Variants in CDK15 observed in about 807,000 individuals in gnomAD.
CDK15 encodes cyclin dependent kinase 15.
Under a neutral mutation model 60.3 loss-of-function variants are expected in CDK15, and 62 were observed. That is an observed-to-expected ratio of 1.03 (90% confidence interval 0.84 to 1.27). The LOEUF (loss-of-function observed/expected upper bound fraction) is 1.27, where lower values mean the gene tolerates loss of function less well. Ranked by LOEUF, CDK15 falls within the 50% of genes most tolerant of loss-of-function variation. The probability of loss-of-function intolerance (pLI) is 0.00; values close to 1 mark genes in which losing one functional copy is unlikely to be tolerated. For synonymous variants in CDK15, 194 were observed against 195.7 expected (o/e 0.99, Z 0.07); for missense variants, 541 against 527.8 (o/e 1.03, Z -0.25).
At chr2:201,865,738 A>C (rs1410649848) in intron 10 of CDK15, among the ~76,000 whole-genome samples, 1 of 151,884 alleles carries the variant, frequency 6.6e-6, no homozygotes, top group Non-Finnish European at 1.5e-5. Flanking sequence ...AAAAATACAA[A>C]AATTAGCCAG....
At chr2:201,888,883 A>G (rs1394681508) in intron 12 of CDK15, 3 of 1,039,240 alleles carry the variant, frequency 2.9e-6, no homozygotes. Context: ...TTTGAGAATA[A>G]TTGGTAAAGT....
chr2:201,859,647 C>A (rs1698302152), intron 10 of CDK15, among the ~76,000 whole-genome samples: 1 of 152,166 alleles, frequency 6.6e-6, no homozygotes, highest in Non-Finnish European at 1.5e-5. Flanking sequence ...GTCGAGAGTT[C>A]TCTCAATTTA....
chr2:201,838,677 G>A (rs930080831), intron 8 of CDK15, among the ~76,000 whole-genome samples: 3 of 152,058 alleles, frequency 2.0e-5, no homozygotes, highest in Non-Finnish European at 4.4e-5. Flanking sequence ...CAACTGCTGG[G>A]ATTACAGGTA....
At chr2:201,806,908 C>A in intron 1 of CDK15, 121 bp downstream of exon 1, 1 of 1,148,092 alleles carries the variant, frequency 8.7e-7, no homozygotes. Flanking sequence ...AATGAAAATT[C>A]TATTAAAGTC....
intron 6 of CDK15, among the ~76,000 whole-genome samples, chr2:201,829,245 C>G (rs1559121846): frequency 6.6e-6 from 1 of 152,110 alleles, no homozygotes; most frequent in South Asian, 2.1e-4. Flanking sequence ...TCTTCTACCT[C>G]TCTCCCCCTA....
rs767930884 is a variant in CDK15 at position 201,812,556 on chromosome 2, C to T, written c.442C>T (p.Arg148Ter). ...AEEGVPFTAIREASLLKGLKH... is the reference protein window; with the variant it reads ...AEEGVPFTAI ...GGAAGGAGTCCCATTTACAGCTATC[C>T]GAGAAGGTAAGAACAGCAGAAATGG... The change falls in exon 4 of 14, where the codon CGA becomes TGA. Residue 148 changes from arginine (R) to a stop codon, truncating the protein, a stop_gained. Coordinates refer to ENST00000652192, the MANE Select transcript of CDK15 (RefSeq NM_001366386.2). LOFTEE classifies it high-confidence loss of function. 2.5e-5 allele frequency: 40 copies of T among 1,611,206 alleles called. No homozygotes were observed. The highest frequency in any genetic ancestry group is 3.1e-5 in the Non-Finnish European group (36 of 1,177,922).
At chr2:201,855,067 A>G in intron 10 of CDK15, 130 bp downstream of exon 10, 1 of 742,148 alleles carries the variant, frequency 1.3e-6, no homozygotes, top group Non-Finnish European at 2.3e-6. Context: ...TTCTACATTC[A>G]TATATTCCCT....
At chr2:201,836,384 A>G (rs567780001) in intron 8 of CDK15, among the ~76,000 whole-genome samples, 1 of 151,362 alleles carries the variant, frequency 6.6e-6, no homozygotes, top group East Asian at 1.9e-4. Context: ...CAATTATTCT[A>G]TAACCTTTTA....
chr2:201,844,454 A>G (rs561389939), intron 8 of CDK15, among the ~76,000 whole-genome samples: 4 of 152,156 alleles, frequency 2.6e-5, no homozygotes, highest in Non-Finnish European at 5.9e-5. Context: ...ATATTGTTTC[A>G]TTTACACCCT....
chr2:201,884,527 TG>T (rs1699390373), intron 12 of CDK15, among the ~76,000 whole-genome samples: 1 of 152,226 alleles, frequency 6.6e-6, no homozygotes. Context: ...TGTTTTGTTT[TG>T]GTTCAATAAA....
In CDK15 at chr2:201,880,131, A is replaced by G. The variant is rs767293718; in HGVS notation, c.1162A>G (p.Ser388Gly). ...GGAAGCACTTGTTCATGATTATTTC[A>G]GCGCCCTGCCATCTCAGCTGTACCA... ...AQEALVHDYF[S>G]ALPSQLYQLP... Residue 388 changes from serine (S) to glycine (G), a missense_variant, in exon 12 of 14, where the codon AGC (serine) becomes GGC (glycine). By Grantham distance (56) the Ser-to-Gly change is moderately conservative. Coordinates refer to ENST00000652192, the MANE Select transcript of CDK15 (RefSeq NM_001366386.2). The G allele has an allele frequency of 1.2e-6, 2 of 1,613,960 alleles. No homozygotes were observed. Among genetic ancestry groups the G allele is most frequent in the South Asian group, 1.1e-5 (1 of 91,062 alleles).
chr2:201,835,824 C>T (rs995855548), intron 8 of CDK15, 61 bp downstream of exon 8: 27 of 1,281,222 alleles, frequency 2.1e-5, no homozygotes, highest in Non-Finnish European at 2.6e-5. Context: ...TTATCATCTA[C>T]ATTATATTTT....
At chr2:201,817,165 G>C (rs1027507818) in intron 4 of CDK15, among the ~76,000 whole-genome samples, 8 of 152,162 alleles carry the variant, frequency 5.3e-5, no homozygotes, top group Non-Finnish European at 8.8e-5. Flanking sequence ...CCCCAGTTTT[G>C]GGACTTGCCT....
chr2:201,835,960 ATATATT>A (rs1456008950), intron 8 of CDK15, among the ~76,000 whole-genome samples, 197 bp downstream of exon 8: 4 of 106,004 alleles, frequency 3.8e-5, no homozygotes, highest in South Asian at 5.8e-4. Context: ...ATATATTTGT[ATATATT>A]TATATATTTA....
chr2:201,839,441 G>C (rs112890343), intron 8 of CDK15, among the ~76,000 whole-genome samples: 2,187 of 152,266 alleles, frequency 0.014, 60 homozygotes, highest in African/African-American at 0.049. Context: ...GATCTTGGGG[G>C]AGATGGTGCT....
At chr2:201,813,928 T>G (rs926074273) in intron 4 of CDK15, among the ~76,000 whole-genome samples, 2 of 152,204 alleles carry the variant, frequency 1.3e-5, no homozygotes, top group African/African-American at 4.8e-5. Flanking sequence ...TTTAATATAA[T>G]GGAAACTGCA....
At chr2:201,878,472 C>T (rs1160869992) in intron 11 of CDK15, among the ~76,000 whole-genome samples, 1 of 152,152 alleles carries the variant, frequency 6.6e-6, no homozygotes, top group Non-Finnish European at 1.5e-5. Flanking sequence ...AGCTCAAATG[C>T]CACTTCCTCA....
chr2:201,833,856 G>A lies in CDK15; in HGVS notation c.615G>A (p.Met205Ile). 6.2e-7 allele frequency: 1 copy of A among 1,612,876 alleles called. No homozygotes were observed. Residue 205 changes from methionine to isoleucine, a missense_variant, in exon 7 of 14, where the codon ATG becomes ATA. Physicochemically the swap from Met to Ile is conservative, Grantham distance 10 (BLOSUM62 1). Transcript: ENST00000652192. The part of the protein sequence containing the change: ...GLHPHNVRLF[M>I]FQLLRGLAYI... ...GTGTTTCTTCCTTCCAGCTTTTCAT[G>A]TTTCAACTTTTGCGGGGCCTGGCGT... is the stretch of plus-strand genomic sequence containing the variant.
At chr2:201,867,294 C>A (rs1330043470) in intron 10 of CDK15, among the ~76,000 whole-genome samples, 1 of 152,158 alleles carries the variant, frequency 6.6e-6, no homozygotes, top group Non-Finnish European at 1.5e-5. Flanking sequence ...GGTCCTCTGC[C>A]TTAGCTCCTC....
Sources: gnomAD v4.1 joint callset for allele counts (sites outside exome capture counted in the v4.1 genomes callset) on GRCh38, gnomAD v4.1.1 for gene constraint, MANE v1.5 for transcripts, NCBI Gene and HGNC (gene_info 2026-07-23, HGNC 2026-07-21) for gene names.